The following KIAA0825 variants were observed in gnomAD, a reference collection of about 807,000 sequenced individuals.
KIAA0825 encodes KIAA0825.
A neutral mutation model predicts 147.6 loss-of-function variants in KIAA0825; 119 were observed. The observed-to-expected ratio is 0.81, with a 90% CI of 0.69 to 0.94. The LOEUF (loss-of-function observed/expected upper bound fraction) is 0.94, where lower values mean the gene tolerates loss of function less well. KIAA0825 is among the 40% of genes least tolerant of loss of function. The probability of loss-of-function intolerance (pLI) is 0.00; values close to 1 mark genes in which losing one functional copy is unlikely to be tolerated. For synonymous variants in KIAA0825, 470 were observed against 518.1 expected, an observed-to-expected ratio of 0.91 and a Z score of 1.26; for missense variants, 1,381 against 1,472.7, an observed-to-expected ratio of 0.94 and a Z score of 1.02.
Position 94,373,417 on chromosome 5 carries a change from T to A in KIAA0825, c.3710+10951A>T, listed in dbSNP as rs186147679. 2.3e-3 allele frequency among the ~76,000 whole-genome samples: 343 copies of A among 152,310 alleles called. 1 individual carries two copies. Among genetic ancestry groups the A allele is most frequent in the Non-Finnish European group, 4.0e-3 (273 of 68,026 alleles). Reference sequence around the variant, plus strand: ...TTTATAAAGGAGAAAATCTTTTTTTTAATAAAGGAAAGAAAATTTATAAAG... The same window carrying A: ...TTTATAAAGGAGAAAATCTTTTTTTAAATAAAGGAAAGAAAATTTATAAAG... On this transcript the variant is annotated intron_variant, in intron 20 of 20. Transcript: ENST00000682413.
chr5:94,451,273 A>T (rs1238215132), intron 13 of KIAA0825, among the ~76,000 whole-genome samples: 1 of 152,160 alleles, frequency 6.6e-6, no homozygotes, highest in Non-Finnish European at 1.5e-5. Flanking sequence ...TTCCATACTG[A>T]ATTGTTTAAT....
intron 20 of KIAA0825, among the ~76,000 whole-genome samples, chr5:94,351,682 TC>T (rs1234933518): frequency 6.6e-6 from 1 of 152,116 alleles, no homozygotes; most frequent in East Asian, 1.9e-4. Context: ...CTACCTGATT[TC>T]AAACTATACT....
chr5:94,153,036 C>T lies in KIAA0825; in HGVS notation c.*971G>A, dbSNP rs1285162609. 6.7e-6 allele frequency: 1 copy of T among 149,030 alleles called. No homozygotes were observed. The highest frequency in any genetic ancestry group is 1.5e-5 in the Non-Finnish European group (1 of 67,350). The allele number at this position is 149,030 out of a possible 1,614,324, so 9.2% of individuals were successfully genotyped here. ...ATGAAATAACACTGTAGTAGGCATA[C>T]AGGGAGTTATAAAGGGAGACTTCAT... On this transcript the variant is annotated 3_prime_UTR_variant, in exon 21 of 21. Coordinates refer to ENST00000682413, the MANE Select transcript of KIAA0825 (RefSeq NM_001145678.3).
At chr5:94,605,690 A>G (rs1280617518) in intron 1 of KIAA0825, among the ~76,000 whole-genome samples, 2 of 152,258 alleles carry the variant, frequency 1.3e-5, no homozygotes, top group African/African-American at 4.8e-5. Context: ...ATAGATGCAG[A>G]AAAGGCTTTT....
At chr5:94,445,830 A>T (rs544275633) in intron 13 of KIAA0825, among the ~76,000 whole-genome samples, 2 of 152,184 alleles carry the variant, frequency 1.3e-5, no homozygotes, top group Admixed American at 1.3e-4. Flanking sequence ...AAATCTTTTC[A>T]TACTGCTTGT....
intron 20 of KIAA0825, among the ~76,000 whole-genome samples, chr5:94,235,606 A>G (rs992929096): frequency 6.6e-6 from 1 of 152,242 alleles, no homozygotes; most frequent in Non-Finnish European, 1.5e-5. Flanking sequence ...CTAAACAACA[A>G]ATTTTCAAAG....
intron 2 of KIAA0825, among the ~76,000 whole-genome samples, chr5:94,558,186 C>T (rs1332021333): frequency 1.3e-5 from 2 of 152,146 alleles, no homozygotes; most frequent in East Asian, 3.9e-4. Flanking sequence ...CTGAGAACCC[C>T]AGGTCAGAGA....
At chr5:94,485,506 G>A (rs1002397402) in intron 5 of KIAA0825, among the ~76,000 whole-genome samples, 5 of 151,660 alleles carry the variant, frequency 3.3e-5, no homozygotes, top group South Asian at 2.1e-4. Flanking sequence ...TTAATTTCCC[G>A]ATTTATATAG....
At chr5:94,617,684 T>C (rs1270920606) in intron 1 of KIAA0825, among the ~76,000 whole-genome samples, 1 of 152,214 alleles carries the variant, frequency 6.6e-6, no homozygotes, top group African/African-American at 2.4e-5. Flanking sequence ...TTGCATTACT[T>C]AAGAGAAGTC....
At chr5:94,578,753 A>G (rs528289838) in intron 2 of KIAA0825, among the ~76,000 whole-genome samples, 14 of 152,280 alleles carry the variant, frequency 9.2e-5, no homozygotes, top group Admixed American at 2.0e-4. Context: ...GTGCTTCTCA[A>G]TTTTTCATGT....
At chr5:94,185,840 T>C (rs1206957534) in intron 20 of KIAA0825, among the ~76,000 whole-genome samples, 1 of 152,204 alleles carries the variant, frequency 6.6e-6, no homozygotes, top group Non-Finnish European at 1.5e-5. Flanking sequence ...TACTAGCAAG[T>C]TACATAATTT....
At chr5:94,569,369 A>G in intron 2 of KIAA0825, 3 of 377,596 alleles carry the variant, frequency 7.9e-6, no homozygotes, top group Non-Finnish European at 1.5e-5. Context: ...ACCACTAACA[A>G]TCAACACTAA....
chr5:94,329,012 A>G (rs1369223079), intron 20 of KIAA0825, among the ~76,000 whole-genome samples: 1 of 152,112 alleles, frequency 6.6e-6, no homozygotes, highest in Non-Finnish European at 1.5e-5. Flanking sequence ...TTATGGGGAA[A>G]TACTATGCAA....
At chr5:94,189,395 G>A (rs1447895189) in intron 20 of KIAA0825, among the ~76,000 whole-genome samples, 5 of 152,060 alleles carry the variant, frequency 3.3e-5, no homozygotes, top group African/African-American at 1.2e-4. Flanking sequence ...AAGTTGAGTA[G>A]TTTAGGTCTT....
chr5:94,589,512 T>C (rs544721097), intron 1 of KIAA0825, among the ~76,000 whole-genome samples: 1 of 152,348 alleles, frequency 6.6e-6, no homozygotes, highest in South Asian at 2.1e-4. Context: ...GGCAAATGTA[T>C]AGCATTGAGT....
chr5:94,197,296 G>A (rs1771224065), intron 20 of KIAA0825, among the ~76,000 whole-genome samples: 1 of 152,036 alleles, frequency 6.6e-6, no homozygotes, highest in African/African-American at 2.4e-5. Context: ...CATGTCCTTT[G>A]TACATATTCT....
At chr5:94,400,602 A>C (rs1191317865) in intron 16 of KIAA0825, among the ~76,000 whole-genome samples, 7 of 152,204 alleles carry the variant, frequency 4.6e-5, no homozygotes, top group African/African-American at 1.7e-4. Flanking sequence ...TTTCATTAAA[A>C]AAGTAATTTA....
intron 20 of KIAA0825, among the ~76,000 whole-genome samples, chr5:94,374,151 C>T (rs73142950): frequency 0.025 from 3,732 of 152,082 alleles, 161 homozygotes; most frequent in African/African-American, 0.086. Context: ...TGCAAGAACC[C>T]GAAAGTGCCA....
chr5:94,235,173 C>G (rs1329421135), intron 20 of KIAA0825, among the ~76,000 whole-genome samples: 1 of 152,236 alleles, frequency 6.6e-6, no homozygotes, highest in African/African-American at 2.4e-5. Flanking sequence ...AAAGCCAAGA[C>G]AGGCCAAAAG....
Sources: gnomAD v4.1 joint callset for allele counts (sites outside exome capture counted in the v4.1 genomes callset) on GRCh38, gnomAD v4.1.1 for gene constraint, MANE v1.5 for transcripts, NCBI Gene and HGNC (gene_info 2026-07-23, HGNC 2026-07-21) for gene names.